Variants in TMEM132B observed in about 807,000 individuals in gnomAD.
TMEM132B encodes the protein transmembrane protein 132B.
A neutral mutation model predicts 90.8 loss-of-function variants in TMEM132B; 18 were observed. The observed-to-expected ratio is 0.20, with a 90% CI of 0.14 to 0.29. The LOEUF (loss-of-function observed/expected upper bound fraction) is 0.29, where lower values mean the gene tolerates loss of function less well. TMEM132B is among the 10% of genes least tolerant of loss of function. The pLI, the probability that TMEM132B is intolerant of heterozygous loss-of-function variation, is 1.00. For synonymous variants in TMEM132B, 504 were observed against 523.3 expected, an observed-to-expected ratio of 0.96 and a Z score of 0.50; for missense variants, 1,096 against 1,326.8, an observed-to-expected ratio of 0.83 and a Z score of 2.70.
At chr12:125,435,853 T>G (rs56803255) in intron 3 of TMEM132B, among the ~76,000 whole-genome samples, 110 of 151,654 alleles carry the variant, frequency 7.3e-4, no homozygotes, top group African/African-American at 2.6e-3. Context: ...AGGAGCTAAA[T>G]GGAGGGGACC....
chr12:125,496,155 A>T (rs890508992), intron 3 of TMEM132B, among the ~76,000 whole-genome samples: 6 of 152,168 alleles, frequency 3.9e-5, no homozygotes, highest in African/African-American at 1.4e-4. Context: ...AAAAACTGGA[A>T]ATTAGCCTCC....
rs1417502223 is a variant in TMEM132B at position 125,186,616 on chromosome 12, G to T, written c.-184G>T. Among the ~76,000 whole-genome samples the T allele has an allele frequency of 6.8e-6, 1 of 146,828 alleles. No homozygotes were observed. The highest frequency in any genetic ancestry group is 1.5e-5 in the Non-Finnish European group (1 of 65,974). ...CGCACGGCCGAGCCCAGGAGAGCGC[G>T]CAGAGGCGCAGCCGAGGAAGCGCCG... On this transcript the variant is annotated 5_prime_UTR_variant, in exon 1 of 9. Transcript: ENST00000682704. This position sits in a 1 kb window ranked among gnomAD's most constrained non-coding sequence, Gnocchi z 6.3.
At chr12:125,314,014 AATC>A (rs1876189225) in intron 1 of TMEM132B, among the ~76,000 whole-genome samples, 1 of 151,876 alleles carries the variant, frequency 6.6e-6, no homozygotes, top group Non-Finnish European at 1.5e-5. Flanking sequence ...ATTGAACTCA[AATC>A]ATCATCCCCA....
chr12:125,312,155 T>C (rs1876139247), intron 1 of TMEM132B, among the ~76,000 whole-genome samples: 1 of 152,222 alleles, frequency 6.6e-6, no homozygotes, highest in South Asian at 2.1e-4. Context: ...AAGCTGGAAA[T>C]TCAGCCCGAT....
intron 1 of TMEM132B, among the ~76,000 whole-genome samples, chr12:125,325,804 G>A (rs1188454498): frequency 6.6e-6 from 1 of 152,062 alleles, no homozygotes; most frequent in East Asian, 1.9e-4. Context: ...AGCTTCTAGT[G>A]AGAGTTCTTC....
intron 4 of TMEM132B, among the ~76,000 whole-genome samples, chr12:125,572,989 C>CTT (rs1392000503): frequency 1.3e-5 from 2 of 152,144 alleles, no homozygotes; most frequent in Non-Finnish European, 2.9e-5. Context: ...CTCTTGTGTC[C>CTT]TTTTGACATT....
intron 2 of TMEM132B, among the ~76,000 whole-genome samples, chr12:125,398,160 G>A (rs1027034588): frequency 6.6e-5 from 10 of 152,140 alleles, no homozygotes; most frequent in Non-Finnish European, 1.5e-5. Context: ...TATTGGCATT[G>A]GATGTGGGAT....
At chr12:125,345,476 T>A (rs1877325887) in intron 1 of TMEM132B, among the ~76,000 whole-genome samples, 1 of 152,170 alleles carries the variant, frequency 6.6e-6, no homozygotes, top group Non-Finnish European at 1.5e-5. Flanking sequence ...TGACATCCAC[T>A]CACTCAGTTT....
intron 5 of TMEM132B, among the ~76,000 whole-genome samples, chr12:125,589,308 C>T (rs1593008557): frequency 6.6e-6 from 1 of 151,998 alleles, no homozygotes; most frequent in African/African-American, 2.4e-5. Flanking sequence ...CGGTGAAACC[C>T]TGTCTCTACT....
At chr12:125,429,364 TA>T (rs1880428875) in intron 3 of TMEM132B, among the ~76,000 whole-genome samples, 1 of 64,076 alleles carries the variant, frequency 1.6e-5, no homozygotes, top group Admixed American at 2.2e-4. Flanking sequence ...CATGCCTAGA[TA>T]ATTTTTTTTT....
chr12:125,426,442 A>G (rs1880322274), intron 3 of TMEM132B, among the ~76,000 whole-genome samples: 1 of 152,200 alleles, frequency 6.6e-6, no homozygotes, highest in African/African-American at 2.4e-5. Flanking sequence ...ATGACTAAAA[A>G]GTTCTAAAGT....
chr12:125,349,693 C>G lies in TMEM132B; in HGVS notation c.309C>G (p.Pro103=), dbSNP rs747653473. 1 of 1,614,196 alleles carries G rather than the reference C, an allele frequency of 6.2e-7. No individual in the cohort carries two copies. Among genetic ancestry groups the G allele is most frequent in the East Asian group, 2.2e-5 (1 of 44,886 alleles). The change falls in exon 2 of 9, where the codon CCC becomes CCG. Residue 103 remains proline (P), a synonymous_variant. Transcript: ENST00000682704. This position sits in a 1 kb window ranked among gnomAD's most constrained non-coding sequence, Gnocchi z 4.1. ...YGPFSVEKII[P]QELLLTSTAF... ...CATTTTCAGTGGAGAAGATAATCCCCCAGGAGCTCCTGTTGACATCTACAG... is the reference window on the plus strand; with the variant it reads ...CATTTTCAGTGGAGAAGATAATCCCGCAGGAGCTCCTGTTGACATCTACAG...
At chr12:125,193,011 G>A (rs557402674) in intron 1 of TMEM132B, among the ~76,000 whole-genome samples, 1 of 152,124 alleles carries the variant, frequency 6.6e-6, no homozygotes, top group Non-Finnish European at 1.5e-5. Flanking sequence ...TGCCATTGTT[G>A]TGCTAACAAC....
intron 4 of TMEM132B, among the ~76,000 whole-genome samples, chr12:125,561,579 C>T (rs1566074257): frequency 6.6e-6 from 1 of 152,132 alleles, no homozygotes. Context: ...GCCAAAATTA[C>T]TCCTTGATCA....
chr12:125,571,707 A>G (rs1427965782), intron 4 of TMEM132B, among the ~76,000 whole-genome samples: 1 of 152,212 alleles, frequency 6.6e-6, no homozygotes, highest in Non-Finnish European at 1.5e-5. Flanking sequence ...CTCTTTCAAC[A>G]CAAAGACACA....
At chr12:125,214,379 C>G (rs1873386740) in intron 1 of TMEM132B, among the ~76,000 whole-genome samples, 1 of 152,192 alleles carries the variant, frequency 6.6e-6, no homozygotes, top group Non-Finnish European at 1.5e-5. Context: ...CATATCCCAC[C>G]AGCTGAGCAG....
intron 3 of TMEM132B, among the ~76,000 whole-genome samples, chr12:125,486,561 A>G (rs1882210922): frequency 1.3e-5 from 2 of 152,142 alleles, no homozygotes; most frequent in Non-Finnish European, 2.9e-5. Flanking sequence ...GCATTTTAGT[A>G]TTATGTTTAA....
chr12:125,286,716 T>C (rs1354302332), intron 1 of TMEM132B, among the ~76,000 whole-genome samples: 1 of 151,976 alleles, frequency 6.6e-6, no homozygotes, highest in East Asian at 1.9e-4. Context: ...CTTTTTTTTT[T>C]GTTTTGAGAT....
At position 125,652,471 on chromosome 12, in the gene TMEM132B, G is replaced by T; in HGVS notation, c.1945G>T (p.Ala649Ser). 1 of 1,610,944 alleles carries T rather than the reference G, an allele frequency of 6.2e-7. No homozygotes were observed. The highest frequency in any genetic ancestry group is 1.1e-5 in the South Asian group (1 of 90,664). Residue 649 changes from alanine (A) to serine (S), a missense_variant, in exon 8 of 9, where the codon GCT becomes TCT. Physicochemically the swap from Ala to Ser is moderately conservative, Grantham distance 99. Transcript: ENST00000682704. ...CTCGCCGTTGTCTGACTCCATCCTG[G>T]CTGAGAAGACGGTGATTGTCCTGGA... ...VLSPLSDSIL[A>S]EKTVIVLDDR... is the part of the protein sequence containing the mutation.
Sources: gnomAD v4.1 joint callset for allele counts (sites outside exome capture counted in the v4.1 genomes callset) on GRCh38, gnomAD v4.1.1 for gene constraint, Gnocchi (gnomAD v3.1) non-coding constraint, MANE v1.5 for transcripts, NCBI Gene and HGNC (gene_info 2026-07-23, HGNC 2026-07-21) for gene names.